The following F2RL2 variants were observed in gnomAD, a reference collection of about 807,000 sequenced individuals.
F2RL2 encodes the protein coagulation factor II thrombin receptor like 2, also known as proteinase-activated receptor 3.
A neutral mutation model predicts 4.3 loss-of-function variants in F2RL2; 4 were observed. The ratio of observed to expected loss-of-function variants is 0.93; its 90% CI spans 0.46 to 2.12. The LOEUF is 2.12. Ranked by LOEUF, F2RL2 falls within the 30% of genes most tolerant of loss-of-function variation. The pLI is 0.02. For synonymous variants in F2RL2, 166 were observed against 170.9 expected, an observed-to-expected ratio of 0.97 and a Z score of 0.22; for missense variants, 408 against 449.3, an observed-to-expected ratio of 0.91 and a Z score of 0.83.
intron 1 of F2RL2, among the ~76,000 whole-genome samples, chr5:76,618,983 G>C (rs2150358355): frequency 6.6e-6 from 1 of 152,302 alleles, no homozygotes; most frequent in Middle Eastern, 3.4e-3. Context: ...TCAGATGTTT[G>C]AGCAAAATGT....
At position 76,618,153 on chromosome 5, in the gene F2RL2, G is replaced by T. The variant is rs765324788; in HGVS notation, c.554C>A (p.Ala185Asp). 5 of 1,614,052 alleles carry T rather than the reference G, an allele frequency of 3.1e-6. No individual in the cohort carries two copies. Among genetic ancestry groups the T allele is most frequent in the Non-Finnish European group, 4.2e-6 (5 of 1,180,046 alleles). ...GNMYCSILLL[A>D]CISINRYLAI... ...CAGGTAGCGGTTGATGCTGATGCAG[G>T]CAAGGAGCAGAATGGAGCAGTACAT... is the stretch of plus-strand genomic sequence containing the variant. The change falls in exon 2 of 2, where the codon GCC becomes GAC. Residue 185 changes from alanine (A) to aspartate (D), a missense_variant. Coordinates refer to ENST00000296641, the MANE Select transcript of F2RL2 (RefSeq NM_004101.4).
At position 76,616,842 on chromosome 5, in the gene F2RL2, G is replaced by A. The variant is rs1749021023; in HGVS notation, c.*740C>T. The A allele has an allele frequency of 1.3e-5, 2 of 152,162 alleles. No homozygotes were observed. The highest frequency in any genetic ancestry group is 1.3e-4 in the Admixed American group (2 of 15,258). The allele number at this position is 152,162 out of a possible 1,614,324, so 9.4% of individuals were successfully genotyped here. A position where few individuals can be genotyped will look rare whatever the true frequency, so the allele number is the denominator to read the frequency against. On this transcript the variant is annotated 3_prime_UTR_variant, in exon 2 of 2. Transcript: ENST00000296641. ...GCACTTCAGCCAGGTGACGAAGCGA[G>A]ACACTGTCTCTATTAAAAAAAGGAA... is the stretch of plus-strand genomic sequence containing the variant.
rs992713069 is a variant in F2RL2 at position 76,617,284 on chromosome 5, A to C, written c.*298T>G. The C allele has an allele frequency of 4.0e-6, 1 of 248,802 alleles. No individual in the cohort carries two copies. The highest frequency in any genetic ancestry group is 7.8e-6 in the Non-Finnish European group (1 of 127,748). The allele number at this position is 248,802 out of a possible 1,614,324, so 15.4% of individuals were successfully genotyped here. A position where few individuals can be genotyped will look rare whatever the true frequency, so the allele number is the denominator to read the frequency against. ...ACATGGTGAAACCCCGTCTCTACTAAAAATACAAGTATTTTTAGTAGCTGG... is the reference window on the plus strand; with the variant it reads ...ACATGGTGAAACCCCGTCTCTACTACAAATACAAGTATTTTTAGTAGCTGG... On this transcript the variant is annotated 3_prime_UTR_variant, in exon 2 of 2. Coordinates refer to ENST00000296641, the MANE Select transcript of F2RL2 (RefSeq NM_004101.4).
chr5:76,618,909 C>T (rs1749304006), intron 1 of F2RL2, among the ~76,000 whole-genome samples: 1 of 152,070 alleles, frequency 6.6e-6, no homozygotes, highest in African/African-American at 2.4e-5. Flanking sequence ...AAAAACAGCC[C>T]ATCAGAACAT....
chr5:76,622,571 T>C (rs985216676), intron 1 of F2RL2, among the ~76,000 whole-genome samples: 1 of 152,194 alleles, frequency 6.6e-6, no homozygotes, highest in African/African-American at 2.4e-5. Context: ...GCTAACATTG[T>C]GATGGGTAAA....
chr5:76,621,714 G>A (rs533617849), intron 1 of F2RL2, among the ~76,000 whole-genome samples: 1 of 152,248 alleles, frequency 6.6e-6, no homozygotes, highest in East Asian at 1.9e-4. Flanking sequence ...CCAGATCTGG[G>A]TCCACTTAAA....
At chr5:76,622,199 T>C (rs1749762567) in intron 1 of F2RL2, among the ~76,000 whole-genome samples, 1 of 152,106 alleles carries the variant, frequency 6.6e-6, no homozygotes, top group African/African-American at 2.4e-5. Context: ...CAAACCCTAT[T>C]AGCGTCTTGA....
intron 1 of F2RL2, among the ~76,000 whole-genome samples, chr5:76,619,888 T>C (rs1424982511): frequency 2.0e-5 from 3 of 152,034 alleles, no homozygotes; most frequent in Non-Finnish European, 4.4e-5. Context: ...ACAGTCCATA[T>C]AAGGGGAAGG....
Position 76,623,238 on chromosome 5 carries a change from A to G in F2RL2, c.-8T>C. 6 of 1,614,160 alleles carry G rather than the reference A, an allele frequency of 3.7e-6. No individual in the cohort carries two copies. The highest frequency in any genetic ancestry group is 5.1e-6 in the Non-Finnish European group (6 of 1,179,972). On this transcript the variant is annotated 5_prime_UTR_variant, in exon 1 of 2. Transcript: ENST00000296641. ...AAAGATGAGGGCTTTCATTTTGATGACCTGAGTCCCGTCTCTTAAACGTTA... is the reference window on the plus strand; with the variant it reads ...AAAGATGAGGGCTTTCATTTTGATGGCCTGAGTCCCGTCTCTTAAACGTTA...
At chr5:76,623,029 C>CT (rs1749860146) in intron 1 of F2RL2, 138 bp downstream of exon 1, 1 of 773,268 alleles carries the variant, frequency 1.3e-6, no homozygotes, top group Non-Finnish European at 2.2e-6. Context: ...TTCCATGATT[C>CT]TACCTTTTAA....
At chr5:76,622,031 A>G (rs990818583) in intron 1 of F2RL2, among the ~76,000 whole-genome samples, 7 of 152,170 alleles carry the variant, frequency 4.6e-5, no homozygotes, top group Non-Finnish European at 7.3e-5. Context: ...CCATGGCTTC[A>G]GGCTGCTAAA....
Position 76,617,978 on chromosome 5 carries a change from G to A in F2RL2, c.729C>T (p.Thr243=), listed in dbSNP as rs566985766. 1.9e-6 allele frequency: 3 copies of A among 1,614,164 alleles called. No individual in the cohort carries two copies. The South Asian group carries it at 3.3e-5, about 18-fold the overall frequency. Residue 243 remains threonine, a synonymous_variant, in exon 2 of 2, where the codon ACC becomes ACT. Transcript: ENST00000296641. ...QEYYLVQPDI[T]TCHDVHNTCE... ...AAGTGTTGTGAACATCATGGCAGGT[G>A]GTGATGTCTGGCTGAACAAGATAAT...
intron 1 of F2RL2, among the ~76,000 whole-genome samples, chr5:76,619,642 C>G (rs992820227): frequency 1.3e-5 from 2 of 151,564 alleles, no homozygotes; most frequent in Non-Finnish European, 2.9e-5. Flanking sequence ...TCAGCCTCCC[C>G]AGTAGCTGGG....
chr5:76,623,262 T>C lies in F2RL2; in HGVS notation c.-32A>G. The C allele has an allele frequency of 6.2e-7, 1 of 1,612,294 alleles. No homozygotes were observed. The highest frequency in any genetic ancestry group is 1.1e-5 in the South Asian group (1 of 90,956). On this transcript the variant is annotated 5_prime_UTR_variant, in exon 1 of 2. The change creates a new upstream start codon in the 5' untranslated region. Transcript: ENST00000296641. Reference sequence around the variant, plus strand: ...GACCTGAGTCCCGTCTCTTAAACGTTATGAAATCTGTAAAATCATGGAGCA... The same window carrying C: ...GACCTGAGTCCCGTCTCTTAAACGTCATGAAATCTGTAAAATCATGGAGCA...
Position 76,618,216 on chromosome 5 carries a change from A to G in F2RL2, c.491T>C (p.Val164Ala), listed in dbSNP as rs1287500584. Residue 164 changes from valine (V) to alanine (A), a missense_variant, in exon 2 of 2, where the codon GTC becomes GCC. By Grantham distance (64) the Val-to-Ala change is moderately conservative. Transcript: ENST00000296641. Reference protein sequence around the residue: ...LNGNNWVFGEVLCRATTVIFY... With the variant: ...LNGNNWVFGEALCRATTVIFY... ...GATGACTGTGGTGGCCCGGCACAGGACCTCTCCAAATACCCAGTTGTTCCC... is the reference window on the plus strand; with the variant it reads ...GATGACTGTGGTGGCCCGGCACAGGGCCTCTCCAAATACCCAGTTGTTCCC... The G allele has an allele frequency of 6.2e-7, 1 of 1,614,114 alleles. No individual in the cohort carries two copies. The highest frequency in any genetic ancestry group is 8.5e-7 in the Non-Finnish European group (1 of 1,180,020).
intron 1 of F2RL2, among the ~76,000 whole-genome samples, chr5:76,620,098 T>C (rs1185785560): frequency 6.6e-6 from 1 of 152,198 alleles, no homozygotes; most frequent in African/African-American, 2.4e-5. Flanking sequence ...TCCAGAAATA[T>C]AATCTGTTAT....
rs185129010 is a variant in F2RL2, at chr5:76,618,332, G to A, written c.375C>T (p.Ser125=). 2.2e-5 allele frequency: 35 copies of A among 1,614,174 alleles called. No homozygotes were observed. The East Asian group carries it at 7.6e-4, about 35-fold the overall frequency. Residue 125 remains serine, a synonymous_variant, in exon 2 of 2, where the codon TCC becomes TCT. Transcript: ENST00000296641. The stretch of plus-strand genomic sequence containing the variant: ...TGGTGTAGAATACAGTGGTACAGAT[G>A]GATCTGGTCCTGAAGAAAAGCATCC... ...TLWMLFFRTR[S]ICTTVFYTNL...
chr5:76,619,862 G>T (rs1287270941), intron 1 of F2RL2, among the ~76,000 whole-genome samples: 1 of 152,074 alleles, frequency 6.6e-6, no homozygotes, highest in Non-Finnish European at 1.5e-5. Flanking sequence ...GCCTGGGTGG[G>T]TCAAATATAA....
At chr5:76,621,175 T>G (rs1749628935) in intron 1 of F2RL2, among the ~76,000 whole-genome samples, 1 of 152,198 alleles carries the variant, frequency 6.6e-6, no homozygotes, top group Admixed American at 6.5e-5. Flanking sequence ...CAGAGCCAGT[T>G]TCTCTTCCTG....
Sources: gnomAD v4.1 joint callset for allele counts (sites outside exome capture counted in the v4.1 genomes callset) on GRCh38, gnomAD v4.1.1 for gene constraint, MANE v1.5 for transcripts, NCBI Gene and HGNC (gene_info 2026-07-23, HGNC 2026-07-21) for gene names.